Variants in DISP1 observed in about 807,000 individuals in gnomAD.
The protein encoded by DISP1 is dispatched RND transporter family member 1, also known as protein dispatched homolog 1.
DISP1 carries 30 observed loss-of-function variants against 37.3 expected under a neutral mutation model. The observed-to-expected ratio is 0.80, with a 90% CI of 0.60 to 1.09. DISP1 has a LOEUF of 1.09. Among genes scored for constraint, DISP1 ranks in the 50% least tolerant of loss-of-function variants. The pLI is 0.00. For synonymous variants in DISP1, 634 were observed against 690.2 expected, an observed-to-expected ratio of 0.92 and a Z score of 1.28; for missense variants, 1,598 against 1,879.5, an observed-to-expected ratio of 0.85 and a Z score of 2.77.
At chr1:222,985,423 G>A (rs907407427) in intron 4 of DISP1, among the ~76,000 whole-genome samples, 24 of 152,182 alleles carry the variant, frequency 1.6e-4, no homozygotes, top group African/African-American at 4.6e-4. Flanking sequence ...AGGCCGAGGC[G>A]GGCAGATCAC....
rs941148957 is a variant in DISP1 at position 222,965,683 on chromosome 1, G to C, written c.510-17397G>C. On this transcript the variant is annotated intron_variant, in intron 3 of 8. Coordinates refer to ENST00000675850, the MANE Select transcript of DISP1 (RefSeq NM_001377229.1). ...AGCCTCTTCTTTCACCCTTTCATATGACTGTCATTTCCATAATATCTCACT... is the reference window on the plus strand; with the variant it reads ...AGCCTCTTCTTTCACCCTTTCATATCACTGTCATTTCCATAATATCTCACT... Among the ~76,000 whole-genome samples the C allele has an allele frequency of 3.9e-5, 6 of 151,918 alleles. No homozygotes were observed. In the South Asian group the frequency reaches 1.2e-3, roughly 32 times the overall value.
chr1:222,819,595 A>C (rs1662264364), intron 1 of DISP1, among the ~76,000 whole-genome samples: 1 of 142,144 alleles, frequency 7.0e-6, no homozygotes, highest in Non-Finnish European at 1.5e-5. Flanking sequence ...GCTGGAGTGC[A>C]GTGGCACGAT....
Position 222,990,752 on chromosome 1 carries a change from ACTAACTT to A in DISP1, c.663+5_663+11del. The A allele has an allele frequency of 6.2e-7, 1 of 1,613,968 alleles. No individual in the cohort carries two copies. Among genetic ancestry groups the A allele is most frequent in the South Asian group, 1.1e-5 (1 of 91,070 alleles). On this transcript the variant is annotated splice_donor_5th_base_variant and intron_variant, in intron 5 of 8. Coordinates refer to ENST00000675850, the MANE Select transcript of DISP1 (RefSeq NM_001377229.1). ...TGACTTCTCTGATCCATTGCTGGTA[ACTAACTT>A]TTATGTTTTCTTTAGCCTAAAATCA...
intron 1 of DISP1, among the ~76,000 whole-genome samples, chr1:222,845,924 C>T (rs1316701182): frequency 1.3e-5 from 2 of 152,116 alleles, no homozygotes; most frequent in African/African-American, 4.8e-5. Context: ...CCTTGGTAGA[C>T]ATTTTTGTTT....
chr1:222,958,715 A>G (rs1001124591), intron 3 of DISP1, among the ~76,000 whole-genome samples: 8 of 152,192 alleles, frequency 5.3e-5, no homozygotes, highest in African/African-American at 1.9e-4. Flanking sequence ...ATTCTTCGTC[A>G]TTGTGAATTA....
intron 1 of DISP1, among the ~76,000 whole-genome samples, chr1:222,826,208 T>G (rs1572175562): frequency 6.6e-6 from 1 of 151,828 alleles, no homozygotes; most frequent in African/African-American, 2.4e-5. Flanking sequence ...CCAGCCTGGG[T>G]TTTTCTTCTT....
rs570064786 is a variant in DISP1 at position 222,946,369 on chromosome 1, G to C, written c.509+3037G>C. ...ACTGCACTCCAGCCTGGGCGACAAAGTGAGACTCCATCTCAAAAAAAAAAA... is the reference window on the plus strand; with the variant it reads ...ACTGCACTCCAGCCTGGGCGACAAACTGAGACTCCATCTCAAAAAAAAAAA... On this transcript the variant is annotated intron_variant, in intron 3 of 8. Transcript: ENST00000675850. 1.9e-4 allele frequency among the ~76,000 whole-genome samples: 24 copies of C among 125,866 alleles called. No homozygotes were observed. The East Asian group carries it at 1.9e-3, about 10-fold the overall frequency. 82.6% of individuals were successfully genotyped at this position (125,866 alleles called of 152,430 possible).
intron 3 of DISP1, among the ~76,000 whole-genome samples, chr1:222,966,031 AATGGATGGATGG>A (rs574766498): frequency 6.6e-6 from 1 of 151,942 alleles, no homozygotes; most frequent in Non-Finnish European, 1.5e-5. Context: ...CTTGTCTCTA[AATGGATGGATGG>A]ATGGATGGAT....
At position 223,003,532 on chromosome 1, in the gene DISP1, G is replaced by A. The variant is rs1355786834; in HGVS notation, c.2135G>A (p.Cys712Tyr). ...SRIFFEKVLP[C>Y]IVIKFRYLWL... ...ATTTTTTTCGAAAAAGTATTGCCAT[G>A]CATTGTCATTAAGTTTCGCTACCTT... is the stretch of plus-strand genomic sequence containing the variant. The change falls in exon 9 of 9, where the codon TGC becomes TAC. Residue 712 changes from cysteine (C) to tyrosine (Y), a missense_variant. Cys to Tyr is a radical substitution (Grantham distance 194). Transcript: ENST00000675850. The surrounding 1 kb of genome is among the most constrained non-coding windows in gnomAD (Gnocchi z 4.3). 3 of 1,614,014 alleles carry A rather than the reference G, an allele frequency of 1.9e-6. No individual in the cohort carries two copies. Among genetic ancestry groups the A allele is most frequent in the African/African-American group, 2.7e-5 (2 of 74,906 alleles).
chr1:222,864,749 T>C (rs1488641710), intron 1 of DISP1, among the ~76,000 whole-genome samples: 1 of 152,198 alleles, frequency 6.6e-6, no homozygotes, highest in African/African-American at 2.4e-5. Context: ...TCATTTGAAT[T>C]CTCTTCCTAT....
intron 1 of DISP1, among the ~76,000 whole-genome samples, chr1:222,839,111 A>G (rs780817590): frequency 7.9e-5 from 12 of 152,064 alleles, no homozygotes; most frequent in South Asian, 2.1e-4. Context: ...GGGGTCCCCA[A>G]CTCCCAGGTT....
intron 1 of DISP1, among the ~76,000 whole-genome samples, chr1:222,879,441 T>C (rs904646338): frequency 6.6e-6 from 1 of 152,170 alleles, no homozygotes; most frequent in Non-Finnish European, 1.5e-5. Flanking sequence ...GTTTTTTTAG[T>C]AACTTCATGT....
chr1:222,846,313 A>G (rs1259927267), intron 1 of DISP1, among the ~76,000 whole-genome samples: 5 of 152,086 alleles, frequency 3.3e-5, no homozygotes, highest in Admixed American at 2.0e-4. Context: ...CCAACACGGC[A>G]AAACCCCGTC....
At chr1:222,995,049 T>C in intron 8 of DISP1, 67 bp downstream of exon 8, 1 of 1,280,428 alleles carries the variant, frequency 7.8e-7, no homozygotes, top group Non-Finnish European at 1.1e-6. Context: ...CTCCTTTTAC[T>C]GCTGACCCTG....
intron 2 of DISP1, among the ~76,000 whole-genome samples, chr1:222,941,816 G>A (rs2125490317): frequency 6.6e-6 from 1 of 152,270 alleles, no homozygotes. Flanking sequence ...TTAGAGAATG[G>A]CATGCTAGAA....
rs1047026561 is a variant in DISP1, at chr1:223,005,543, A to T, written c.4146A>T (p.Glu1382Asp). 14 of 1,614,098 alleles carry T rather than the reference A, an allele frequency of 8.7e-6. No homozygotes were observed. The African/African-American group carries it at 1.7e-4, about 20-fold the overall frequency. Reference protein sequence around the residue: ...TNVHSLQRSIEEHLPKMAEPS... With the variant: ...TNVHSLQRSIDEHLPKMAEPS... ...TACACAGTCTTCAGAGGAGCATAGA[A>T]GAGCATCTTCCAAAGATGGCAGAGC... The change falls in exon 9 of 9, where the codon GAA (glutamate) becomes GAT (aspartate). Residue 1382 changes from glutamate (E) to aspartate (D), a missense_variant. Physicochemically the swap from Glu to Asp is conservative, Grantham distance 45. Coordinates refer to ENST00000675850, the MANE Select transcript of DISP1 (RefSeq NM_001377229.1).
chr1:222,877,106 C>T lies in DISP1; in HGVS notation c.-158-51324C>T, dbSNP rs901732466. Among the ~76,000 whole-genome samples, 11 of 152,242 alleles carry T rather than the reference C, an allele frequency of 7.2e-5. No individual in the cohort carries two copies. The South Asian group carries it at 1.9e-3, about 26-fold the overall frequency. ...CGTGATTCTGGCTTTGGGAGAGCTG[C>T]TTTACCTCTCTGAGCTTATTACCTC... On this transcript the variant is annotated intron_variant, in intron 1 of 8. Transcript: ENST00000675850.
At chr1:222,850,485 T>C (rs957197918) in intron 1 of DISP1, among the ~76,000 whole-genome samples, 1 of 152,194 alleles carries the variant, frequency 6.6e-6, no homozygotes, top group Non-Finnish European at 1.5e-5. Context: ...ATGTGGTTTG[T>C]TACATAGGTA....
At chr1:222,981,958 T>G (rs1677867494) in intron 3 of DISP1, among the ~76,000 whole-genome samples, 2 of 152,252 alleles carry the variant, frequency 1.3e-5, no homozygotes, top group Admixed American at 1.3e-4. Context: ...TTCAAAGAGC[T>G]TTTGTTTATG....
Sources: gnomAD v4.1 joint callset for allele counts (sites outside exome capture counted in the v4.1 genomes callset) on GRCh38, gnomAD v4.1.1 for gene constraint, Gnocchi (gnomAD v3.1) non-coding constraint, MANE v1.5 for transcripts, NCBI Gene and HGNC (gene_info 2026-07-23, HGNC 2026-07-21) for gene names.